The following YWHAZ variants were observed in gnomAD, a reference collection of about 807,000 sequenced individuals.
The protein encoded by YWHAZ is tyrosine 3-monooxygenase/tryptophan 5-monooxygenase activation protein zeta.
For synonymous variants in YWHAZ, 87 were observed against 103.6 expected, an observed-to-expected ratio of 0.84 and a Z score of 0.97; for missense variants, 79 against 284.8, an observed-to-expected ratio of 0.28 and a Z score of 5.20.
chr8:100,931,490 C>T lies in YWHAZ; in HGVS notation c.295-6451G>A, dbSNP rs569391641. Among the ~76,000 whole-genome samples, 24 of 152,280 alleles carry T rather than the reference C, an allele frequency of 1.6e-4. No individual in the cohort carries two copies. The South Asian group carries it at 4.4e-3, about 28-fold the overall frequency. ...AGCTGGTGGCAAGACTTTAACCTTTCGGGCATTCAACACTTGTTAGAAGAA... is the reference window on the plus strand; with the variant it reads ...AGCTGGTGGCAAGACTTTAACCTTTTGGGCATTCAACACTTGTTAGAAGAA... On this transcript the variant is annotated intron_variant, in intron 2 of 5. Transcript: ENST00000395958.
chr8:100,951,280 G>C, intron 1 of YWHAZ: 2 of 984,674 alleles, frequency 2.0e-6, no homozygotes, highest in Non-Finnish European at 2.4e-6. Context: ...CCCGCTCTCG[G>C]CCAGGCCTTT....
rs142579983 is a variant in YWHAZ at position 100,950,924 on chromosome 8, G to C, written c.-12+1005C>G. 658 of 167,742 alleles carry C rather than the reference G, an allele frequency of 3.9e-3. 4 individuals carry two copies. The highest frequency in any genetic ancestry group is 0.015 in the African/African-American group (611 of 41,792). 10.4% of individuals were successfully genotyped at this position (167,742 alleles called of 1,614,324 possible). ...TCAGGCTCACCCGCCCCCAAAGCAG[G>C]ATATGCGTCCCCAAACCGAGCGCAG... On this transcript the variant is annotated intron_variant, in intron 1 of 5. Transcript: ENST00000395958.
intron 2 of YWHAZ, among the ~76,000 whole-genome samples, chr8:100,930,910 C>T (rs1813715324): frequency 6.6e-6 from 1 of 152,148 alleles, no homozygotes; most frequent in Admixed American, 6.5e-5. Context: ...ATCATTTACT[C>T]AGCAGCAAAA....
chr8:100,943,619 A>G (rs1374731719), intron 2 of YWHAZ, among the ~76,000 whole-genome samples: 1 of 152,056 alleles, frequency 6.6e-6, no homozygotes, highest in Non-Finnish European at 1.5e-5. Flanking sequence ...TATACCTCAG[A>G]CTTTTTGTAT....
intron 2 of YWHAZ, among the ~76,000 whole-genome samples, chr8:100,943,769 G>A (rs56304871): frequency 0.048 from 7,313 of 152,094 alleles, 183 homozygotes; most frequent in Non-Finnish European, 0.057. Flanking sequence ...GGTGGATCAC[G>A]AGGTCAGGAG....
Position 100,949,042 on chromosome 8 carries a change from G to A in YWHAZ, c.-11-142C>T. On this transcript the variant is annotated intron_variant, in intron 1 of 5. Coordinates refer to ENST00000395958, the MANE Select transcript of YWHAZ (RefSeq NM_145690.3). ...TGTTCACATGAGGAATTAAAATGCA[G>A]CCTCACAAAAGGATAGTCAAAAAAG... The A allele has an allele frequency of 3.8e-6, 4 of 1,046,454 alleles. No homozygotes were observed. In the South Asian group the frequency reaches 5.4e-5, roughly 14 times the overall value. The allele number at this position is 1,046,454 out of a possible 1,614,324, so 64.8% of individuals were successfully genotyped here.
chr8:100,940,390 T>C (rs1011902967), intron 2 of YWHAZ, among the ~76,000 whole-genome samples: 2 of 152,206 alleles, frequency 1.3e-5, no homozygotes, highest in African/African-American at 4.8e-5. Context: ...CAGCCCCTTT[T>C]TAAAAAAGGC....
rs1812766957 is a variant in YWHAZ, at chr8:100,917,833, G to C, written c.*2860C>G. 6.6e-6 allele frequency: 1 copy of C among 152,136 alleles called. No homozygotes were observed. Among genetic ancestry groups the C allele is most frequent in the South Asian group, 2.1e-4 (1 of 4,826 alleles). 9.4% of individuals were successfully genotyped at this position (152,136 alleles called of 1,614,324 possible). On this transcript the variant is annotated 3_prime_UTR_variant, in exon 6 of 6. Coordinates refer to ENST00000395958, the MANE Select transcript of YWHAZ (RefSeq NM_145690.3). ...AAAGCAGACGTAAAGCCTGGATTTG[G>C]GACAATCAAGGAATAGTTACAAACA...
chr8:100,952,269 C>T (rs1810852652), upstream of YWHAZ: 1 of 525,458 alleles, frequency 1.9e-6, no homozygotes, highest in East Asian at 1.5e-4. Flanking sequence ...CCTCCCACCC[C>T]GCTCGGCTTC....
chr8:100,943,143 G>C lies in YWHAZ; in HGVS notation c.294+5453C>G, dbSNP rs370132574. ...CATGCTAAAATTGGGTAGTTATAAAGAACAGGCAGTTTCAAAAGGAAAAGG... is the reference window on the plus strand; with the variant it reads ...CATGCTAAAATTGGGTAGTTATAAACAACAGGCAGTTTCAAAAGGAAAAGG... On this transcript the variant is annotated intron_variant, in intron 2 of 5. Coordinates refer to ENST00000395958, the MANE Select transcript of YWHAZ (RefSeq NM_145690.3). 2.5e-4 allele frequency among the ~76,000 whole-genome samples: 38 copies of C among 152,310 alleles called. No individual in the cohort carries two copies. In the East Asian group the frequency reaches 5.6e-3, roughly 22 times the overall value.
intron 2 of YWHAZ, among the ~76,000 whole-genome samples, chr8:100,940,594 CTT>C (rs1416370071): frequency 6.6e-6 from 1 of 152,216 alleles, no homozygotes; most frequent in Non-Finnish European, 1.5e-5. Context: ...CTAAAGTTCT[CTT>C]AAATTTAATC....
upstream of YWHAZ, chr8:100,952,311 A>G (rs1810856878): frequency 4.0e-6 from 1 of 247,168 alleles, no homozygotes; most frequent in African/African-American, 2.3e-5. Context: ...GAGTGCACCT[A>G]GGGCAGGAGG....
chr8:100,928,696 G>T (rs1275447220), intron 2 of YWHAZ, among the ~76,000 whole-genome samples: 1 of 151,516 alleles, frequency 6.6e-6, no homozygotes, highest in Non-Finnish European at 1.5e-5. Context: ...TTGCGCCATT[G>T]CACTCCAGCC....
At chr8:100,951,457 T>C in intron 1 of YWHAZ, 1 of 974,988 alleles carries the variant, frequency 1.0e-6, no homozygotes, top group Non-Finnish European at 1.2e-6. Context: ...CGGCCTCACC[T>C]GCGCCACTGC....
At chr8:100,952,473 C>T (rs1019172849), upstream of YWHAZ, 10 of 154,292 alleles carry the variant, frequency 6.5e-5, no homozygotes, top group African/African-American at 2.2e-4. Context: ...CTACCCCCAC[C>T]TTAGCTTTCG....
At chr8:100,938,393 C>A (rs1419253654) in intron 2 of YWHAZ, among the ~76,000 whole-genome samples, 1 of 152,124 alleles carries the variant, frequency 6.6e-6, no homozygotes, top group Non-Finnish European at 1.5e-5. Context: ...CCCTTTAACC[C>A]TAAAATTCAA....
upstream of YWHAZ, chr8:100,952,119 T>C: frequency 3.0e-6 from 3 of 986,336 alleles, no homozygotes; most frequent in Non-Finnish European, 3.6e-6. Context: ...CACGATGACG[T>C]CAAACGCTGC....
Position 100,917,132 on chromosome 8 carries a change from C to T in YWHAZ, c.*3561G>A, listed in dbSNP as rs1812740042. 1 of 152,166 alleles carries T rather than the reference C, an allele frequency of 6.6e-6. No individual in the cohort carries two copies. Among genetic ancestry groups the T allele is most frequent in the African/African-American group, 2.4e-5 (1 of 41,452 alleles). 9.4% of individuals were successfully genotyped at this position (152,166 alleles called of 1,614,324 possible). A position where few individuals can be genotyped will look rare whatever the true frequency, so the allele number is the denominator to read the frequency against. The stretch of plus-strand genomic sequence containing the variant: ...CCATTTGAAGCCTGACTACAAATAA[C>T]CTAAGATAGCAGCTTCCAAATTGGC... On this transcript the variant is annotated 3_prime_UTR_variant, in exon 6 of 6. Coordinates refer to ENST00000395958, the MANE Select transcript of YWHAZ (RefSeq NM_145690.3).
chr8:100,951,276 C>T (rs1810748974), intron 1 of YWHAZ: 1 of 984,678 alleles, frequency 1.0e-6, no homozygotes, highest in South Asian at 4.7e-5. Flanking sequence ...CCGGCCCGCT[C>T]TCGGCCAGGC....
Sources: allele counts gnomAD v4.1 joint callset (sites outside exome capture counted in the v4.1 genomes callset), GRCh38; gene constraint gnomAD v4.1.1; transcripts MANE v1.5; gene names NCBI Gene and HGNC (gene_info 2026-07-23, HGNC 2026-07-21).